KIZ: variants seen among roughly 807,000 people sequenced by gnomAD.
The protein encoded by KIZ is centrosomal protein kizuna.
In KIZ, 68 loss-of-function variants were observed where a neutral mutation model predicts 79.6. The ratio of observed to expected loss-of-function variants is 0.85; its 90% CI spans 0.70 to 1.05. KIZ has a LOEUF of 1.05. Ranked by LOEUF, KIZ falls within the 50% of genes least tolerant of loss-of-function variation. The pLI, the probability that KIZ is intolerant of heterozygous loss-of-function variation, is 0.00. For missense variants in KIZ, 797 were observed against 800.4 expected, an observed-to-expected ratio of 1.00 and a Z score of 0.05; for synonymous variants, 280 against 281.8, an observed-to-expected ratio of 0.99 and a Z score of 0.06.
intron 3 of KIZ, among the ~76,000 whole-genome samples, 171 bp from the exon 4 acceptor site, chr20:21,145,394 A>G (rs1047203966): frequency 3.9e-5 from 6 of 152,094 alleles, no homozygotes; most frequent in African/African-American, 1.4e-4. Flanking sequence ...TCAACTTTTG[A>G]TATGTGTCAT....
intron 2 of KIZ, among the ~76,000 whole-genome samples, chr20:21,134,150 C>T (rs1312344847): frequency 6.6e-6 from 1 of 152,120 alleles, no homozygotes; most frequent in Non-Finnish European, 1.5e-5. Context: ...GGCCAGGAGG[C>T]GTGAGGTGGG....
intron 11 of KIZ, among the ~76,000 whole-genome samples, chr20:21,233,513 C>T (rs1424975119): frequency 6.6e-6 from 1 of 152,204 alleles, no homozygotes; most frequent in Admixed American, 6.5e-5. Flanking sequence ...ATACCCTACT[C>T]TTTTGCTTTG....
intron 6 of KIZ, among the ~76,000 whole-genome samples, chr20:21,191,270 T>C (rs1176932474): frequency 6.6e-6 from 1 of 152,210 alleles, no homozygotes; most frequent in Admixed American, 6.5e-5. Context: ...TTGCTGAGAG[T>C]AGTCAGGATG....
At position 21,162,013 on chromosome 20, in the gene KIZ, C is replaced by G; in HGVS notation, c.548C>G (p.Thr183Arg). 1 of 1,613,966 alleles carries G rather than the reference C, an allele frequency of 6.2e-7. No homozygotes were observed. The highest frequency in any genetic ancestry group is 1.1e-5 in the South Asian group (1 of 91,080). ...ACAGAGCACAAATCTCCCCAGCCCA[C>G]AAAGAACTTTTCAATTCCTGACCCA... ...FSTEHKSPQP[T>R]KNFSIPDPHS... The change falls in exon 5 of 13, where the codon ACA becomes AGA. Residue 183 changes from threonine (T) to arginine (R), a missense_variant. Coordinates refer to ENST00000619189, the MANE Select transcript of KIZ (RefSeq NM_018474.6).
intron 4 of KIZ, among the ~76,000 whole-genome samples, chr20:21,156,825 A>G (rs1430198085): frequency 6.6e-6 from 1 of 152,230 alleles, no homozygotes; most frequent in Non-Finnish European, 1.5e-5. Context: ...AGGTATACAC[A>G]CATACAGAGA....
At chr20:21,219,518 A>C (rs1044305300) in intron 9 of KIZ, among the ~76,000 whole-genome samples, 1 of 152,036 alleles carries the variant, frequency 6.6e-6, no homozygotes, top group Non-Finnish European at 1.5e-5. Context: ...GGGTTTCACC[A>C]TGTTGCCCAG....
intron 9 of KIZ, among the ~76,000 whole-genome samples, chr20:21,225,662 C>T (rs540235372): frequency 5.9e-5 from 9 of 152,308 alleles, no homozygotes; most frequent in Admixed American, 3.9e-4. Flanking sequence ...AGAGCAGCAA[C>T]AAAGTGGAGC....
intron 4 of KIZ, among the ~76,000 whole-genome samples, chr20:21,161,279 T>A (rs2033640596): frequency 6.6e-6 from 1 of 152,206 alleles, no homozygotes; most frequent in Admixed American, 6.5e-5. Flanking sequence ...ATTATGTGGG[T>A]TATATTTTCA....
intron 4 of KIZ, chr20:21,151,102 A>G (rs2033097011): frequency 6.6e-6 from 1 of 152,254 alleles, no homozygotes; most frequent in Non-Finnish European, 1.5e-5. Flanking sequence ...AACTATTTTA[A>G]TACCCATTTT....
At chr20:21,136,853 T>C (rs1218487310) in intron 3 of KIZ, among the ~76,000 whole-genome samples, 2 of 152,214 alleles carry the variant, frequency 1.3e-5, no homozygotes, top group Admixed American at 6.5e-5. Context: ...TAGTCACTAA[T>C]GTTTTGTTGT....
At chr20:21,179,289 C>T (rs1285268923) in intron 6 of KIZ, among the ~76,000 whole-genome samples, 1 of 140,922 alleles carries the variant, frequency 7.1e-6, no homozygotes, top group African/African-American at 2.6e-5. Flanking sequence ...CAGACTATTT[C>T]TTTATTAATT....
chr20:21,202,154 C>G (rs2035623988), intron 6 of KIZ, among the ~76,000 whole-genome samples: 1 of 152,180 alleles, frequency 6.6e-6, no homozygotes, highest in Non-Finnish European at 1.5e-5. Flanking sequence ...AAGAGTCTTG[C>G]CTTCATTTTG....
chr20:21,164,179 C>T (rs1390268688), intron 6 of KIZ, among the ~76,000 whole-genome samples: 4 of 152,168 alleles, frequency 2.6e-5, no homozygotes, highest in South Asian at 2.1e-4. Flanking sequence ...CCTTTTTGTA[C>T]GGCATATGTT....
chr20:21,233,844 AG>A (rs1200728705), intron 11 of KIZ, among the ~76,000 whole-genome samples: 1 of 152,204 alleles, frequency 6.6e-6, no homozygotes, highest in East Asian at 1.9e-4. Context: ...AAACTTGACA[AG>A]TTAAGTTTTA....
intron 4 of KIZ, 23 bp from the exon 5 acceptor site, chr20:21,161,848 T>C: frequency 6.4e-7 from 1 of 1,570,648 alleles, no homozygotes; most frequent in Middle Eastern, 1.7e-4. Flanking sequence ...TATGTTTAAC[T>C]CACATCTCTT....
intron 1 of KIZ, among the ~76,000 whole-genome samples, chr20:21,126,648 T>TTG (rs139460719): frequency 1.8e-3 from 276 of 151,512 alleles, no homozygotes; most frequent in Admixed American, 3.9e-3. Context: ...ACGCAGACGG[T>TTG]TGTGTGTGTG....
At chr20:21,241,181 A>T (rs568476951) in intron 11 of KIZ, among the ~76,000 whole-genome samples, 54 of 152,216 alleles carry the variant, frequency 3.5e-4, no homozygotes, top group Non-Finnish European at 7.1e-4. Flanking sequence ...TATCCAGCAC[A>T]CAATAGAAAG....
At chr20:21,181,421 A>G (rs368911576) in intron 6 of KIZ, among the ~76,000 whole-genome samples, 3 of 152,062 alleles carry the variant, frequency 2.0e-5, no homozygotes, top group South Asian at 2.1e-4. Flanking sequence ...ATTCTTTTCA[A>G]TGAAACACAA....
rs779872148 is a variant in KIZ at position 21,136,573 on chromosome 20, GT to G, written c.315+22del. ...TGAAGGTGACTTCCTGTTTTTTACT[GT>G]GTTTTATTTTATTTGTTGTTGTGTG... On this transcript the variant is annotated intron_variant, in intron 3 of 12. Coordinates refer to ENST00000619189, the MANE Select transcript of KIZ (RefSeq NM_018474.6). 8.8e-6 allele frequency: 13 copies of G among 1,480,330 alleles called. No homozygotes were observed. The Admixed American group carries it at 2.5e-4, about 29-fold the overall frequency. The allele number at this position is 1,480,330 out of a possible 1,614,324, so 91.7% of individuals were successfully genotyped here.
Sources: gnomAD v4.1 joint callset for allele counts (sites outside exome capture counted in the v4.1 genomes callset) on GRCh38, gnomAD v4.1.1 for gene constraint, MANE v1.5 for transcripts, NCBI Gene and HGNC (gene_info 2026-07-23, HGNC 2026-07-21) for gene names.